Variants in SMYD3 observed in about 807,000 individuals in gnomAD.
The protein encoded by SMYD3 is SET and MYND domain containing 3, also known as histone-lysine N-methyltransferase SMYD3.
SMYD3 carries 36 observed loss-of-function variants against 57.7 expected under a neutral mutation model. The observed-to-expected ratio is 0.62, with a 90% CI of 0.48 to 0.82. The LOEUF (loss-of-function observed/expected upper bound fraction) is 0.82. SMYD3 is among the 40% of genes least tolerant of loss of function. SMYD3 has a pLI of 0.00. For missense variants in SMYD3, 515 were observed against 538.8 expected (o/e 0.96, Z 0.44); for synonymous variants, 211 against 195.0 (o/e 1.08, Z -0.68).
intron 5 of SMYD3, among the ~76,000 whole-genome samples, chr1:246,006,108 G>A (rs2059163096): frequency 6.6e-6 from 1 of 152,148 alleles, no homozygotes; most frequent in East Asian, 1.9e-4. Context: ...AATTAAAGAC[G>A]GTGATTTGAT....
At chr1:245,890,761 A>G (rs1217326602) in intron 8 of SMYD3, among the ~76,000 whole-genome samples, 1 of 152,242 alleles carries the variant, frequency 6.6e-6, no homozygotes, top group Non-Finnish European at 1.5e-5. Flanking sequence ...TCGAAGAGGT[A>G]TCTGCACGCC....
chr1:245,893,010 ACT>A (rs1431887241), intron 8 of SMYD3, among the ~76,000 whole-genome samples: 1 of 152,224 alleles, frequency 6.6e-6, no homozygotes, highest in East Asian at 1.9e-4. Flanking sequence ...AGGATAAAGA[ACT>A]CTCAAAACTC....
chr1:246,507,119 C>G lies in SMYD3; in HGVS notation c.99G>C (p.Ser33=), dbSNP rs949014335. 1.3e-6 allele frequency: 2 copies of G among 1,533,476 alleles called. No homozygotes were observed. Among genetic ancestry groups the G allele is most frequent in the Non-Finnish European group, 1.8e-6 (2 of 1,140,122 alleles). 95.0% of individuals were successfully genotyped at this position (1,533,476 alleles called of 1,614,324 possible). A position where few individuals can be genotyped will look rare whatever the true frequency, so the allele number is the denominator to read the frequency against. Residue 33 remains serine, a synonymous_variant, in exon 1 of 12, where the codon TCG becomes TCC. Transcript: ENST00000490107. ...PLRPGELLFR[S]DPLAYTVCKG... Reference sequence around the variant, plus strand: ...TGCACACCGTGTACGCCAAGGGATCCGAGCGGAAGAGTAGCTCTCCGGGGC... The same window carrying G: ...TGCACACCGTGTACGCCAAGGGATCGGAGCGGAAGAGTAGCTCTCCGGGGC...
At chr1:246,276,180 ACT>A (rs1276653837) in intron 5 of SMYD3, among the ~76,000 whole-genome samples, 1 of 123,900 alleles carries the variant, frequency 8.1e-6, no homozygotes, top group Non-Finnish European at 1.7e-5. Flanking sequence ...TTGAATACTA[ACT>A]CTGTTTTTTA....
At chr1:246,287,347 T>C (rs2064589882) in intron 5 of SMYD3, among the ~76,000 whole-genome samples, 1 of 152,226 alleles carries the variant, frequency 6.6e-6, no homozygotes, top group Admixed American at 6.5e-5. Flanking sequence ...ACAGTTTCAT[T>C]ACAAATTTAA....
intron 5 of SMYD3, among the ~76,000 whole-genome samples, chr1:246,269,688 CCGTAAGCAG>C (rs1185603742): frequency 6.6e-6 from 1 of 151,974 alleles, no homozygotes; most frequent in Non-Finnish European, 1.5e-5. Context: ...CCCACCTCAG[CCGTAAGCAG>C]CCGGGACTAC....
At chr1:245,993,784 T>C (rs2148123183) in intron 5 of SMYD3, among the ~76,000 whole-genome samples, 1 of 152,278 alleles carries the variant, frequency 6.6e-6, no homozygotes, top group African/African-American at 2.4e-5. Context: ...CATTGAATTT[T>C]AGTTTGAGAT....
intron 8 of SMYD3, among the ~76,000 whole-genome samples, chr1:245,868,740 T>A (rs187236880): frequency 6.6e-6 from 1 of 152,260 alleles, no homozygotes; most frequent in Non-Finnish European, 1.5e-5. Context: ...CTCCCTGGAG[T>A]GTTCCACTAC....
intron 5 of SMYD3, among the ~76,000 whole-genome samples, chr1:246,213,834 G>A (rs2063124949): frequency 6.6e-6 from 1 of 152,150 alleles, no homozygotes; most frequent in Admixed American, 6.5e-5. Flanking sequence ...CTTTTCTGCT[G>A]CTTTCTCTCA....
At chr1:245,989,722 C>T (rs573334114) in intron 5 of SMYD3, among the ~76,000 whole-genome samples, 1 of 152,244 alleles carries the variant, frequency 6.6e-6, no homozygotes, top group Non-Finnish European at 1.5e-5. Context: ...GGCTTCCCCC[C>T]TCCCACAGAG....
intron 5 of SMYD3, among the ~76,000 whole-genome samples, chr1:246,073,520 C>G (rs917206517): frequency 1.2e-4 from 19 of 152,062 alleles, no homozygotes; most frequent in Non-Finnish European, 2.1e-4. Flanking sequence ...AGTTCAAGAC[C>G]AGCCTGGGCA....
At chr1:245,907,002 T>A (rs1218863300) in intron 8 of SMYD3, among the ~76,000 whole-genome samples, 2 of 152,200 alleles carry the variant, frequency 1.3e-5, no homozygotes, top group African/African-American at 4.8e-5. Context: ...ATTTGTGGTA[T>A]CCAAAAATCA....
intron 1 of SMYD3, among the ~76,000 whole-genome samples, chr1:246,432,813 G>A (rs914055056): frequency 6.6e-6 from 1 of 152,164 alleles, no homozygotes; most frequent in Non-Finnish European, 1.5e-5. Flanking sequence ...TAAGTTTTCA[G>A]TGTTTGAATT....
chr1:246,404,125 T>C (rs1198091212), intron 1 of SMYD3, among the ~76,000 whole-genome samples: 4 of 152,220 alleles, frequency 2.6e-5, no homozygotes, highest in Admixed American at 6.5e-5. Context: ...ATCACAATGA[T>C]AGCTGTAAGT....
intron 1 of SMYD3, among the ~76,000 whole-genome samples, chr1:246,420,914 A>G (rs2067134176): frequency 6.6e-6 from 1 of 152,204 alleles, no homozygotes; most frequent in Non-Finnish European, 1.5e-5. Flanking sequence ...CTGAAGTATG[A>G]CTATTTTTAT....
intron 5 of SMYD3, among the ~76,000 whole-genome samples, chr1:246,019,118 T>C (rs1053976498): frequency 1.3e-5 from 2 of 152,236 alleles, no homozygotes; most frequent in African/African-American, 4.8e-5. Flanking sequence ...ATTTCTGAAC[T>C]TCTCCATTAC....
intron 5 of SMYD3, among the ~76,000 whole-genome samples, chr1:246,042,858 CTA>C (rs2059901724): frequency 6.6e-6 from 1 of 152,134 alleles, no homozygotes. Context: ...ACATTCTCTG[CTA>C]TGTTTTTTAC....
chr1:246,054,895 G>C (rs1027399218), intron 5 of SMYD3, among the ~76,000 whole-genome samples: 1 of 108,980 alleles, frequency 9.2e-6, no homozygotes, highest in Non-Finnish European at 1.8e-5. Flanking sequence ...AAAAAAAAAG[G>C]CCAGGTGCGG....
intron 11 of SMYD3, among the ~76,000 whole-genome samples, chr1:245,762,982 C>T (rs2045919490): frequency 6.6e-6 from 1 of 152,168 alleles, no homozygotes; most frequent in African/African-American, 2.4e-5. Flanking sequence ...AGCATGTGAG[C>T]TCTCCTTTGG....
Sources: allele counts gnomAD v4.1 joint callset (sites outside exome capture counted in the v4.1 genomes callset), GRCh38; gene constraint gnomAD v4.1.1; transcripts MANE v1.5; gene names NCBI Gene and HGNC (gene_info 2026-07-23, HGNC 2026-07-21).